Variants in PSMD1 observed in about 807,000 individuals in gnomAD.
PSMD1 encodes proteasome 26S subunit, non-ATPase 1.
In PSMD1, 18 loss-of-function variants were observed where a neutral mutation model predicts 119.0. The ratio of observed to expected loss-of-function variants is 0.15; its 90% CI spans 0.10 to 0.22. PSMD1 has a LOEUF of 0.22. Among genes scored for constraint, PSMD1 ranks in the 10% least tolerant of loss-of-function variants. PSMD1 has a pLI of 1.00. For synonymous variants in PSMD1, 374 were observed against 396.6 expected (o/e 0.94, Z 0.68); for missense variants, 702 against 1,158.5 (o/e 0.61, Z 5.72).
rs144938279 is a variant in PSMD1 at position 231,102,780 on chromosome 2, T to A, written c.1883+15599T>A. On this transcript the variant is annotated intron_variant, in intron 16 of 24. Coordinates refer to ENST00000308696, the MANE Select transcript of PSMD1 (RefSeq NM_002807.4). ...AGTGTAATTTTTAGTGAAAAAAAAA[T>A]TGCATATTAGTGGGCCCACACAGTT... 3.3e-3 allele frequency among the ~76,000 whole-genome samples: 506 copies of A among 152,100 alleles called. 3 individuals carry two copies. The highest frequency in any genetic ancestry group is 0.012 in the African/African-American group (485 of 41,486).
intron 16 of PSMD1, among the ~76,000 whole-genome samples, chr2:231,126,998 C>T (rs1695738516): frequency 6.6e-6 from 1 of 152,086 alleles, no homozygotes; most frequent in Non-Finnish European, 1.5e-5. Context: ...AGTCCCCACT[C>T]CATATCTTTT....
At chr2:231,068,126 G>A in intron 5 of PSMD1, among the ~76,000 whole-genome samples, 1 of 152,038 alleles carries the variant, frequency 6.6e-6, no homozygotes, top group Non-Finnish European at 1.5e-5. Flanking sequence ...TTTTTTCATG[G>A]TGTTTATCCC....
intron 2 of PSMD1, among the ~76,000 whole-genome samples, chr2:231,061,608 A>C (rs1030255478): frequency 6.6e-6 from 1 of 151,784 alleles, no homozygotes; most frequent in Non-Finnish European, 1.5e-5. Context: ...TTTATCACCC[A>C]GGCTAGAGTG....
chr2:231,075,682 C>T, intron 8 of PSMD1, 111 bp downstream of exon 8: 2 of 910,860 alleles, frequency 2.2e-6, no homozygotes, highest in Non-Finnish European at 3.3e-6. Flanking sequence ...CAGGCTCAAG[C>T]TTTCCTCCCA....
rs567977387 is a variant in PSMD1, at chr2:231,120,543, A to G, written c.1884-18193A>G. Among the ~76,000 whole-genome samples the G allele has an allele frequency of 4.8e-4, 73 of 152,300 alleles. 1 individual carries two copies. The highest frequency in any genetic ancestry group is 1.6e-3 in the African/African-American group (66 of 41,558). On this transcript the variant is annotated intron_variant, in intron 16 of 24. Coordinates refer to ENST00000308696, the MANE Select transcript of PSMD1 (RefSeq NM_002807.4). ...CCTAGCACAACTCATTTGAAAGACAATGTTGTGCCTGAGTTGTCATAATCT... is the reference window on the plus strand; with the variant it reads ...CCTAGCACAACTCATTTGAAAGACAGTGTTGTGCCTGAGTTGTCATAATCT...
At chr2:231,153,539 A>G (rs372200124) in intron 18 of PSMD1, 25 bp from the exon 19 acceptor site, 18 of 1,487,688 alleles carry the variant, frequency 1.2e-5, no homozygotes, top group Middle Eastern at 1.7e-4. Context: ...GACTTAGACT[A>G]TAATTCTTTC....
chr2:231,071,180 A>G (rs1694033937), intron 6 of PSMD1, among the ~76,000 whole-genome samples: 1 of 151,994 alleles, frequency 6.6e-6, no homozygotes, highest in Non-Finnish European at 1.5e-5. Context: ...ACTGACATGA[A>G]AAATAGTAGT....
intron 23 of PSMD1, among the ~76,000 whole-genome samples, chr2:231,169,486 A>C (rs944849950): frequency 3.9e-5 from 6 of 152,190 alleles, no homozygotes; most frequent in East Asian, 1.9e-4. Context: ...AAGGGGTTGT[A>C]GAAAAATGTA....
intron 16 of PSMD1, chr2:231,108,264 T>G: frequency 2.7e-6 from 1 of 376,214 alleles, no homozygotes; most frequent in Non-Finnish European, 4.8e-6. Flanking sequence ...TGATTTGACT[T>G]TATTTCATTC....
chr2:231,075,634 C>A, intron 8 of PSMD1, 63 bp downstream of exon 8: 1 of 1,484,858 alleles, frequency 6.7e-7, no homozygotes, highest in Non-Finnish European at 9.2e-7. Flanking sequence ...GGCTAGAACG[C>A]AGTGGCGCGG....
chr2:231,162,941 C>CA (rs1321732744), intron 20 of PSMD1, among the ~76,000 whole-genome samples: 3 of 148,480 alleles, frequency 2.0e-5, no homozygotes, highest in African/African-American at 5.0e-5. Flanking sequence ...ACTAAAAATA[C>CA]AAAAAAAATT....
At chr2:231,125,694 C>T (rs1306643468) in intron 16 of PSMD1, among the ~76,000 whole-genome samples, 3 of 152,266 alleles carry the variant, frequency 2.0e-5, no homozygotes, top group African/African-American at 7.2e-5. Flanking sequence ...AATGAAAATA[C>T]GTTTTTGCCT....
At chr2:231,092,087 T>G (rs1364410675) in intron 16 of PSMD1, among the ~76,000 whole-genome samples, 1 of 152,200 alleles carries the variant, frequency 6.6e-6, no homozygotes, top group African/African-American at 2.4e-5. Flanking sequence ...ACAGCAATAC[T>G]AGCAGTTGCT....
rs1696937215 is a variant in PSMD1 at position 231,172,638 on chromosome 2, C to T, written c.*113C>T. Reference sequence around the variant, plus strand: ...CTATTCAATGCATGTATCGTTGCCTCTGCACTGACCTGAAGAACCCTGTCT... The same window carrying T: ...CTATTCAATGCATGTATCGTTGCCTTTGCACTGACCTGAAGAACCCTGTCT... On this transcript the variant is annotated 3_prime_UTR_variant, in exon 25 of 25. Transcript: ENST00000308696. 6.6e-6 allele frequency: 1 copy of T among 152,292 alleles called. No homozygotes were observed. The highest frequency in any genetic ancestry group is 1.9e-4 in the East Asian group (1 of 5,184). The allele number at this position is 152,292 out of a possible 1,614,324, so 9.4% of individuals were successfully genotyped here.
chr2:231,151,313 T>C (rs1023388247), intron 18 of PSMD1, among the ~76,000 whole-genome samples: 6 of 152,146 alleles, frequency 3.9e-5, no homozygotes, highest in Admixed American at 1.3e-4. Flanking sequence ...TCTTCATATC[T>C]GTAACTAGAT....
intron 15 of PSMD1, among the ~76,000 whole-genome samples, chr2:231,086,034 T>C (rs1694423499): frequency 6.6e-6 from 1 of 151,948 alleles, no homozygotes; most frequent in Admixed American, 6.6e-5. Context: ...AATAGTCTTT[T>C]TCTTTTTTTT....
intron 16 of PSMD1, among the ~76,000 whole-genome samples, chr2:231,097,786 C>G (rs1198039245): frequency 6.6e-6 from 1 of 152,112 alleles, no homozygotes; most frequent in African/African-American, 2.4e-5. Context: ...TCTTGCTTTA[C>G]AGTGTCTTAT....
chr2:231,147,422 A>G (rs1235310746), intron 18 of PSMD1, among the ~76,000 whole-genome samples: 4 of 152,174 alleles, frequency 2.6e-5, no homozygotes, highest in African/African-American at 9.7e-5. Context: ...ACTTAAGCCC[A>G]GGAGGCCAAG....
chr2:231,126,244 C>T (rs149716625), intron 16 of PSMD1, among the ~76,000 whole-genome samples: 1 of 151,928 alleles, frequency 6.6e-6, no homozygotes, highest in African/African-American at 2.4e-5. Context: ...ACAAAAAAAA[C>T]CACATAAATT....
Sources: allele counts gnomAD v4.1 joint callset (sites outside exome capture counted in the v4.1 genomes callset), GRCh38; gene constraint gnomAD v4.1.1; transcripts MANE v1.5; gene names NCBI Gene and HGNC (gene_info 2026-07-23, HGNC 2026-07-21).